ALDH8A1: variants seen among roughly 807,000 people sequenced by gnomAD.
ALDH8A1 encodes aldehyde dehydrogenase 8 family member A1.
In ALDH8A1, 39 loss-of-function variants were observed where a neutral mutation model predicts 43.3. That is an observed-to-expected ratio of 0.90 (90% CI 0.70 to 1.18). The LOEUF (loss-of-function observed/expected upper bound fraction) is 1.18, where lower values mean the gene tolerates loss of function less well. Among genes scored for constraint, ALDH8A1 ranks in the 50% most tolerant of loss-of-function variants. ALDH8A1 has a pLI of 0.00. For synonymous variants in ALDH8A1, 233 were observed against 243.5 expected, an observed-to-expected ratio of 0.96 and a Z score of 0.40; for missense variants, 605 against 622.6, an observed-to-expected ratio of 0.97 and a Z score of 0.30.
At chr6:134,946,784 G>C (rs576880742) in intron 1 of ALDH8A1, among the ~76,000 whole-genome samples, 1 of 149,062 alleles carries the variant, frequency 6.7e-6, no homozygotes, top group Non-Finnish European at 1.5e-5. Flanking sequence ...ATGTGTGCGC[G>C]CGCGCACAGG....
intron 5 of ALDH8A1, among the ~76,000 whole-genome samples, chr6:134,930,806 C>T (rs558048097): frequency 6.6e-5 from 10 of 152,282 alleles, no homozygotes; most frequent in African/African-American, 2.4e-4. Flanking sequence ...TACCAAGATG[C>T]CCACAAGAAA....
At chr6:134,920,416 G>T (rs891930514) in intron 6 of ALDH8A1, among the ~76,000 whole-genome samples, 1 of 152,106 alleles carries the variant, frequency 6.6e-6, no homozygotes, top group Non-Finnish European at 1.5e-5. Flanking sequence ...GGTTCCAAAG[G>T]TGAGTGTCCT....
intron 4 of ALDH8A1, among the ~76,000 whole-genome samples, chr6:134,935,425 T>A (rs1354227319): frequency 6.6e-6 from 1 of 152,234 alleles, no homozygotes; most frequent in Admixed American, 6.5e-5. Context: ...AGTAAATGAA[T>A]GAGTGAATGA....
At chr6:134,929,534 T>C (rs920891329) in intron 5 of ALDH8A1, among the ~76,000 whole-genome samples, 1 of 152,140 alleles carries the variant, frequency 6.6e-6, no homozygotes, top group Non-Finnish European at 1.5e-5. Flanking sequence ...TGGAGGGCAC[T>C]TGCAAAGAGG....
At chr6:134,944,092 G>T in intron 1 of ALDH8A1, 126 bp from the exon 2 acceptor site, 1 of 998,772 alleles carries the variant, frequency 1.0e-6, no homozygotes. Flanking sequence ...TTTTTAGATG[G>T]ATTCTCACTC....
intron 3 of ALDH8A1, among the ~76,000 whole-genome samples, chr6:134,941,665 C>T (rs1218972662): frequency 6.6e-6 from 1 of 151,992 alleles, no homozygotes; most frequent in Non-Finnish European, 1.5e-5. Flanking sequence ...GCTGGTATTA[C>T]AGGCATGAGC....
chr6:134,928,716 G>T (rs958677499), intron 6 of ALDH8A1, among the ~76,000 whole-genome samples: 2 of 152,204 alleles, frequency 1.3e-5, no homozygotes, highest in African/African-American at 2.4e-5. Context: ...TTTCCAAAGA[G>T]AATGTTTGCC....
chr6:134,940,085 G>T, intron 3 of ALDH8A1: 1 of 240,414 alleles, frequency 4.2e-6, no homozygotes, highest in Non-Finnish European at 8.5e-6. Context: ...GGAGAGTCGG[G>T]GGGAAGAGCA....
At chr6:134,933,076 G>T in intron 4 of ALDH8A1, 44 bp from the exon 5 acceptor site, 1 of 1,495,802 alleles carries the variant, frequency 6.7e-7, no homozygotes, top group South Asian at 1.4e-5. Flanking sequence ...TCAGTATGTT[G>T]AAGAGTTCAA....
intron 5 of ALDH8A1, among the ~76,000 whole-genome samples, chr6:134,932,194 C>A (rs1296726483): frequency 6.6e-6 from 1 of 152,168 alleles, no homozygotes; most frequent in Non-Finnish European, 1.5e-5. Flanking sequence ...GTGTTCTTAA[C>A]TCTTTGGAAT....
chr6:134,937,597 A>G (rs543053108), intron 4 of ALDH8A1, among the ~76,000 whole-genome samples: 1 of 152,330 alleles, frequency 6.6e-6, no homozygotes, highest in Non-Finnish European at 1.5e-5. Flanking sequence ...CTCATCATCT[A>G]TCCAGACGTT....
intron 6 of ALDH8A1, among the ~76,000 whole-genome samples, chr6:134,928,432 G>T (rs1776922503): frequency 6.6e-6 from 1 of 152,220 alleles, no homozygotes; most frequent in African/African-American, 2.4e-5. Flanking sequence ...TCCCTCAGTG[G>T]CACTGAGCTG....
intron 5 of ALDH8A1, among the ~76,000 whole-genome samples, chr6:134,930,518 C>A (rs1180818154): frequency 2.0e-5 from 3 of 152,194 alleles, no homozygotes; most frequent in Non-Finnish European, 4.4e-5. Context: ...TCTGACTTCA[C>A]AACAATCTTA....
At chr6:134,948,034 TA>T (rs1179186552) in intron 1 of ALDH8A1, among the ~76,000 whole-genome samples, 2 of 151,976 alleles carry the variant, frequency 1.3e-5, no homozygotes, top group African/African-American at 4.8e-5. Flanking sequence ...ATAAAGAAAA[TA>T]TGGTATATAT....
At chr6:134,929,809 T>C (rs1380843054) in intron 5 of ALDH8A1, among the ~76,000 whole-genome samples, 1 of 152,070 alleles carries the variant, frequency 6.6e-6, no homozygotes, top group Non-Finnish European at 1.5e-5. Context: ...ATTCTCAGTA[T>C]CATGAAAAAA....
chr6:134,943,997 C>T, intron 1 of ALDH8A1, 31 bp from the exon 2 acceptor site: 2 of 1,603,128 alleles, frequency 1.2e-6, no homozygotes, highest in Non-Finnish European at 1.7e-6. Context: ...AAAGGGTCAC[C>T]TTAAAGCTGT....
rs542548050 is a variant in ALDH8A1, at chr6:134,929,227, G to A, written c.850-12C>T. 6.2e-7 allele frequency: 1 copy of A among 1,613,278 alleles called. No individual in the cohort carries two copies. The highest frequency in any genetic ancestry group is 1.7e-5 in the Admixed American group (1 of 59,984). Reference sequence around the variant, plus strand: ...AGACAGATTTCACCCTGCCAAGAATGAGAACAGGGATAAGGCTGCGGACAC... The same window carrying A: ...AGACAGATTTCACCCTGCCAAGAATAAGAACAGGGATAAGGCTGCGGACAC... On this transcript the variant is annotated splice_polypyrimidine_tract_variant and intron_variant, in intron 5 of 6. Transcript: ENST00000265605.
chr6:134,943,993 T>G, intron 1 of ALDH8A1, 27 bp from the exon 2 acceptor site: 1 of 1,608,618 alleles, frequency 6.2e-7, no homozygotes, highest in Non-Finnish European at 8.5e-7. Flanking sequence ...GGAGAAAGGG[T>G]CACCTTAAAG....
intron 5 of ALDH8A1, 123 bp downstream of exon 5, chr6:134,932,653 G>C (rs1777003720): frequency 2.2e-6 from 3 of 1,367,926 alleles, no homozygotes; most frequent in East Asian, 2.3e-5. Context: ...ACAATGTACT[G>C]ATCCTGCTTT....
Sources: gnomAD v4.1 joint callset for allele counts (sites outside exome capture counted in the v4.1 genomes callset) on GRCh38, gnomAD v4.1.1 for gene constraint, MANE v1.5 for transcripts, NCBI Gene and HGNC (gene_info 2026-07-23, HGNC 2026-07-21) for gene names.